SGMS1: variants seen among roughly 807,000 people sequenced by gnomAD.
SGMS1 encodes phosphatidylcholine:ceramide cholinephosphotransferase 1.
SGMS1 carries 13 observed loss-of-function variants against 46.2 expected under a neutral mutation model. That is an observed-to-expected ratio of 0.28 (90% CI 0.18 to 0.45). SGMS1 has a LOEUF of 0.45. Among genes scored for constraint, SGMS1 ranks in the 20% least tolerant of loss-of-function variants. SGMS1 has a pLI of 1.00. For missense variants in SGMS1, 324 were observed against 519.9 expected (o/e 0.62, Z 3.66); for synonymous variants, 203 against 187.8 (o/e 1.08, Z -0.66).
At chr10:50,406,448 G>C (rs1173401326) in intron 6 of SGMS1, among the ~76,000 whole-genome samples, 1 of 152,128 alleles carries the variant, frequency 6.6e-6, no homozygotes, top group African/African-American at 2.4e-5. Flanking sequence ...GTTCTGGAAG[G>C]CAGATTTTTA....
chr10:50,502,917 CAGAA>C lies in SGMS1; in HGVS notation c.-498+16910_-498+16913del, dbSNP rs1296492276. Among the ~76,000 whole-genome samples the C allele has an allele frequency of 9.9e-5, 15 of 152,128 alleles. 1 individual carries two copies. The South Asian group carries it at 2.3e-3, about 23-fold the overall frequency. Reference sequence around the variant, plus strand: ...GATCCAATCTCTCCCATGATGCAAACAGAAAGAAAGATACAGTTAAGCACAACCC... The same window carrying C: ...GATCCAATCTCTCCCATGATGCAAACAGAAAGATACAGTTAAGCACAACCC... On this transcript the variant is annotated intron_variant, in intron 3 of 10. Coordinates refer to ENST00000361781, the MANE Select transcript of SGMS1 (RefSeq NM_147156.4).
At chr10:50,429,268 T>C (rs117623698) in intron 6 of SGMS1, among the ~76,000 whole-genome samples, 3 of 152,358 alleles carry the variant, frequency 2.0e-5, no homozygotes, top group Non-Finnish European at 4.4e-5. Flanking sequence ...ATATTTTTCC[T>C]ATACTTTTCT....
intron 2 of SGMS1, among the ~76,000 whole-genome samples, chr10:50,571,510 G>C (rs904858850): frequency 2.0e-5 from 3 of 152,150 alleles, no homozygotes; most frequent in African/African-American, 7.2e-5. Context: ...GTTGGCACAC[G>C]GAGAGTGGCA....
intron 1 of SGMS1, among the ~76,000 whole-genome samples, chr10:50,616,875 T>C (rs865799603): frequency 8.5e-5 from 13 of 152,202 alleles, no homozygotes; most frequent in African/African-American, 3.1e-4. Context: ...CAGAAAATCT[T>C]ACAATATTAG....
intron 6 of SGMS1, among the ~76,000 whole-genome samples, chr10:50,427,905 C>T (rs1849349853): frequency 1.3e-5 from 2 of 151,972 alleles, no homozygotes; most frequent in South Asian, 4.2e-4. Context: ...AGGAGAAAGA[C>T]AGCAGTGGAA....
chr10:50,486,827 T>C (rs1292645460), intron 3 of SGMS1, among the ~76,000 whole-genome samples: 1 of 152,222 alleles, frequency 6.6e-6, no homozygotes, highest in Non-Finnish European at 1.5e-5. Flanking sequence ...CAAAGGAATA[T>C]AAATCATTCT....
In SGMS1 at chr10:50,403,230, G is replaced by A. The variant is rs575331752; in HGVS notation, c.-232+30246C>T. Among the ~76,000 whole-genome samples the A allele has an allele frequency of 2.4e-4, 36 of 152,214 alleles. No individual in the cohort carries two copies. The South Asian group carries it at 3.9e-3, about 17-fold the overall frequency. On this transcript the variant is annotated intron_variant, in intron 6 of 10. Transcript: ENST00000361781. ...CTGGCCAGTCTAGACAGAAAATTAC[G>A]TAAATTCAAAGAAAGAAGAGTTTCA...
At chr10:50,531,428 G>A (rs183777253) in intron 2 of SGMS1, among the ~76,000 whole-genome samples, 1 of 151,702 alleles carries the variant, frequency 6.6e-6, no homozygotes, top group African/African-American at 2.4e-5. Context: ...ATTTCAAAGT[G>A]ACTTAGAGCA....
chr10:50,364,898 G>A (rs1248327630), intron 6 of SGMS1, among the ~76,000 whole-genome samples: 2 of 152,018 alleles, frequency 1.3e-5, no homozygotes, highest in African/African-American at 4.8e-5. Context: ...CAGAAGCATG[G>A]CCACTATAAA....
At chr10:50,385,561 T>C (rs1191505737) in intron 6 of SGMS1, among the ~76,000 whole-genome samples, 1 of 152,202 alleles carries the variant, frequency 6.6e-6, no homozygotes, top group Admixed American at 6.5e-5. Flanking sequence ...GTTTTATAAG[T>C]GCTCCATGAA....
At chr10:50,546,885 A>ACC (rs879518353) in intron 2 of SGMS1, among the ~76,000 whole-genome samples, 1 of 152,104 alleles carries the variant, frequency 6.6e-6, no homozygotes, top group Non-Finnish European at 1.5e-5. Context: ...AAAAAAAAAG[A>ACC]CCCTGCTTAG....
chr10:50,620,797 T>G (rs1394341860), intron 1 of SGMS1, among the ~76,000 whole-genome samples: 2 of 152,204 alleles, frequency 1.3e-5, no homozygotes, highest in Non-Finnish European at 2.9e-5. Flanking sequence ...TAGCAGCACT[T>G]TTCAGAGTTT....
At chr10:50,535,113 T>C (rs557128612) in intron 2 of SGMS1, among the ~76,000 whole-genome samples, 33 of 151,942 alleles carry the variant, frequency 2.2e-4, no homozygotes, top group Admixed American at 2.1e-3. Context: ...GTGCCTGTAG[T>C]CCCAGCTACT....
intron 1 of SGMS1, among the ~76,000 whole-genome samples, chr10:50,596,773 T>G (rs1293136341): frequency 2.0e-5 from 3 of 152,242 alleles, no homozygotes; most frequent in African/African-American, 7.2e-5. Flanking sequence ...TCAGCATGTT[T>G]CCTGCATTCT....
intron 5 of SGMS1, among the ~76,000 whole-genome samples, chr10:50,447,147 T>C (rs2133651158): frequency 6.6e-6 from 1 of 152,338 alleles, no homozygotes; most frequent in African/African-American, 2.4e-5. Context: ...ACATTAACAA[T>C]TTAAAGGTTA....
chr10:50,498,938 C>A (rs2339506), intron 3 of SGMS1, among the ~76,000 whole-genome samples: 2 of 151,892 alleles, frequency 1.3e-5, no homozygotes, highest in Non-Finnish European at 2.9e-5. Flanking sequence ...CAATAGTGCA[C>A]GAGTGTTCCA....
intron 7 of SGMS1, among the ~76,000 whole-genome samples, chr10:50,339,082 C>T (rs1564880036): frequency 1.3e-5 from 2 of 152,216 alleles, no homozygotes; most frequent in Non-Finnish European, 1.5e-5. Flanking sequence ...CTCTTGCTTC[C>T]CTAGTCTCTG....
chr10:50,560,246 T>C (rs1176965134), intron 2 of SGMS1, among the ~76,000 whole-genome samples: 1 of 142,644 alleles, frequency 7.0e-6, no homozygotes, highest in Non-Finnish European at 1.5e-5. Flanking sequence ...TAATATTATG[T>C]AATATACATA....
At chr10:50,419,739 T>C (rs1057442329) in intron 6 of SGMS1, among the ~76,000 whole-genome samples, 2 of 151,672 alleles carry the variant, frequency 1.3e-5, no homozygotes, top group African/African-American at 2.4e-5. Flanking sequence ...AATTTCTAGA[T>C]GGGAAGAAAA....
Sources: allele counts gnomAD v4.1 joint callset (sites outside exome capture counted in the v4.1 genomes callset), GRCh38; gene constraint gnomAD v4.1.1; transcripts MANE v1.5; gene names NCBI Gene and HGNC (gene_info 2026-07-23, HGNC 2026-07-21).